Variants in RIC1 observed in about 807,000 individuals in gnomAD.
RIC1 encodes the protein RIC1 partner of RAB6A GEF complex, also known as guanine nucleotide exchange factor subunit RIC1.
RIC1 carries 88 observed loss-of-function variants against 169.0 expected under a neutral mutation model. The observed-to-expected ratio is 0.52, with a 90% CI of 0.44 to 0.62. RIC1 has a LOEUF of 0.62. Among genes scored for constraint, RIC1 ranks in the 20% least tolerant of loss-of-function variants. The pLI is 0.00. For synonymous variants in RIC1, 790 were observed against 601.5 expected (o/e 1.31, Z -4.59); for missense variants, 1,877 against 1,725.5 (o/e 1.09, Z -1.56).
intron 1 of RIC1, among the ~76,000 whole-genome samples, chr9:5,643,802 T>G (rs1223401996): frequency 6.6e-6 from 1 of 152,140 alleles, no homozygotes; most frequent in African/African-American, 2.4e-5. Context: ...AAAAATAAAA[T>G]AAATTTACAA....
chr9:5,749,172 C>G (rs765151577), intron 12 of RIC1, among the ~76,000 whole-genome samples: 1 of 152,146 alleles, frequency 6.6e-6, no homozygotes, highest in African/African-American at 2.4e-5. Flanking sequence ...CATCACTCTA[C>G]GTTAAAGTAA....
At chr9:5,757,224 C>T (rs923196795) in intron 16 of RIC1, 89 bp from the exon 17 acceptor site, 3 of 1,417,176 alleles carry the variant, frequency 2.1e-6, no homozygotes, top group Non-Finnish European at 3.0e-6. Flanking sequence ...CTTCCATAAG[C>T]ATGAAATCTA....
intron 10 of RIC1, among the ~76,000 whole-genome samples, chr9:5,745,373 G>A (rs1825317063): frequency 6.6e-6 from 1 of 152,094 alleles, no homozygotes. Context: ...GGTTCTGGAG[G>A]AATTTATTTG....
intron 10 of RIC1, among the ~76,000 whole-genome samples, chr9:5,745,415 T>C (rs1386914614): frequency 3.9e-5 from 6 of 152,174 alleles, no homozygotes; most frequent in African/African-American, 1.2e-4. Flanking sequence ...AAGAAACTTA[T>C]ATCCCGAGAA....
chr9:5,643,863 C>T (rs1053851231), intron 1 of RIC1, among the ~76,000 whole-genome samples: 4 of 152,118 alleles, frequency 2.6e-5, no homozygotes, highest in African/African-American at 4.8e-5. Flanking sequence ...ACAGTTTCTT[C>T]GTTCAGATTT....
chr9:5,672,052 C>T (rs1245560942), intron 2 of RIC1, among the ~76,000 whole-genome samples: 2 of 152,174 alleles, frequency 1.3e-5, no homozygotes, highest in Non-Finnish European at 2.9e-5. Flanking sequence ...GCTGCCACAC[C>T]TCATGGTCTG....
intron 2 of RIC1, among the ~76,000 whole-genome samples, chr9:5,681,147 G>C (rs919657420): frequency 1.3e-5 from 2 of 151,726 alleles, no homozygotes; most frequent in Non-Finnish European, 2.9e-5. Context: ...AGGTTTTTTT[G>C]TGTCTCTATT....
intron 2 of RIC1, among the ~76,000 whole-genome samples, chr9:5,659,542 G>A (rs1054768297): frequency 1.3e-5 from 2 of 152,080 alleles, no homozygotes; most frequent in African/African-American, 4.8e-5. Flanking sequence ...GTTTGAACTG[G>A]TTTTCTATTT....
At chr9:5,722,664 G>A (rs538740078) in intron 6 of RIC1, among the ~76,000 whole-genome samples, 2 of 152,012 alleles carry the variant, frequency 1.3e-5, no homozygotes, top group South Asian at 2.1e-4. Flanking sequence ...CCATTAACTC[G>A]TCATTTACAT....
intron 3 of RIC1, among the ~76,000 whole-genome samples, chr9:5,701,343 G>T (rs1822204301): frequency 6.6e-6 from 1 of 152,130 alleles, no homozygotes. Context: ...GGGTGAGGTG[G>T]CTCACGCCTG....
At chr9:5,645,694 A>G (rs903786995) in intron 1 of RIC1, among the ~76,000 whole-genome samples, 3 of 152,198 alleles carry the variant, frequency 2.0e-5, no homozygotes, top group Non-Finnish European at 4.4e-5. Flanking sequence ...AGCATGTCTT[A>G]AGTTTTATCC....
At chr9:5,751,734 CAAAT>C (rs1163179693) in intron 12 of RIC1, among the ~76,000 whole-genome samples, 1 of 152,050 alleles carries the variant, frequency 6.6e-6, no homozygotes, top group Non-Finnish European at 1.5e-5. Context: ...ATAAGTATAA[CAAAT>C]AATTAGTAAG....
intron 6 of RIC1, among the ~76,000 whole-genome samples, chr9:5,721,183 T>G (rs191733413): frequency 6.6e-6 from 1 of 152,228 alleles, no homozygotes; most frequent in Non-Finnish European, 1.5e-5. Flanking sequence ...TGATTTTGAT[T>G]AGGTTACTAT....
At chr9:5,743,816 T>A in intron 10 of RIC1, 79 bp downstream of exon 10, 1 of 1,131,628 alleles carries the variant, frequency 8.8e-7, no homozygotes, top group Non-Finnish European at 1.3e-6. Flanking sequence ...CATTTTTATT[T>A]ATTTAATTTT....
At chr9:5,663,907 T>G (rs954789675) in intron 2 of RIC1, among the ~76,000 whole-genome samples, 5 of 152,236 alleles carry the variant, frequency 3.3e-5, no homozygotes, top group Non-Finnish European at 5.9e-5. Flanking sequence ...GTCACTGATC[T>G]GTTTACTTCA....
chr9:5,761,199 C>T (rs1339662973), intron 17 of RIC1, among the ~76,000 whole-genome samples: 7 of 149,484 alleles, frequency 4.7e-5, no homozygotes, highest in African/African-American at 1.5e-4. Flanking sequence ...CTGCAGCCTC[C>T]GTCTCCCGGG....
At chr9:5,651,227 C>G (rs149927500) in intron 1 of RIC1, among the ~76,000 whole-genome samples, 1 of 152,152 alleles carries the variant, frequency 6.6e-6, no homozygotes, top group Admixed American at 6.5e-5. Flanking sequence ...TGCTCCAGGT[C>G]GATAAAGGCC....
chr9:5,705,129 A>T (rs1449654286), intron 3 of RIC1, among the ~76,000 whole-genome samples: 6 of 138,144 alleles, frequency 4.3e-5, no homozygotes, highest in African/African-American at 1.6e-4. Flanking sequence ...TTTCAAGATT[A>T]TTTTGGCTCT....
chr9:5,642,964 C>T (rs1367408983), intron 1 of RIC1, among the ~76,000 whole-genome samples: 1 of 151,942 alleles, frequency 6.6e-6, no homozygotes, highest in East Asian at 1.9e-4. Context: ...AATCTAGTAC[C>T]ATTTTTATGA....
Sources: gnomAD v4.1 joint callset for allele counts (sites outside exome capture counted in the v4.1 genomes callset) on GRCh38, gnomAD v4.1.1 for gene constraint, MANE v1.5 for transcripts, NCBI Gene and HGNC (gene_info 2026-07-23, HGNC 2026-07-21) for gene names.